Variants in SLC22A13 observed in about 807,000 individuals in gnomAD.
SLC22A13 encodes the protein solute carrier family 22 member 13.
SLC22A13 carries 42 observed loss-of-function variants against 49.1 expected under a neutral mutation model. The observed-to-expected ratio is 0.85, with a 90% confidence interval of 0.67 to 1.11. The LOEUF (loss-of-function observed/expected upper bound fraction) is 1.11. SLC22A13 is among the 50% of genes least tolerant of loss of function. SLC22A13 has a pLI of 0.00. For synonymous variants in SLC22A13, 282 were observed against 293.1 expected (o/e 0.96, Z 0.39); for missense variants, 694 against 712.8 (o/e 0.97, Z 0.30).
intron 1 of SLC22A13, among the ~76,000 whole-genome samples, chr3:38,271,652 C>T (rs552332084): frequency 4.6e-5 from 7 of 151,236 alleles, no homozygotes; most frequent in East Asian, 1.9e-4. Context: ...ATCTGTCCAG[C>T]GACCAAAGAA....
intron 2 of SLC22A13, 53 bp downstream of exon 2, chr3:38,274,428 A>C (rs904616726): frequency 4.1e-5 from 63 of 1,532,876 alleles, no homozygotes; most frequent in Non-Finnish European, 5.4e-5. Flanking sequence ...CAGCTCTGGC[A>C]CAGGCCCAAG....
chr3:38,269,837 G>C (rs1703501014), intron 1 of SLC22A13, among the ~76,000 whole-genome samples: 1 of 151,398 alleles, frequency 6.6e-6, no homozygotes, highest in Non-Finnish European at 1.5e-5. Context: ...TTTAGCATTA[G>C]GTATATCTCC....
Position 38,274,515 on chromosome 3 carries a change from C to A in SLC22A13, c.483-89C>A, listed in dbSNP as rs951866533. Reference sequence around the variant, plus strand: ...CCCTCAAATGGGGCTCAGACAGAGACCCCAGGACAGGGCTGGGCCCCCTTG... The same window carrying A: ...CCCTCAAATGGGGCTCAGACAGAGAACCCAGGACAGGGCTGGGCCCCCTTG... On this transcript the variant is annotated intron_variant, in intron 2 of 9. Coordinates refer to ENST00000311856, the MANE Select transcript of SLC22A13 (RefSeq NM_004256.4). The A allele has an allele frequency of 6.6e-6, 10 of 1,504,310 alleles. No homozygotes were observed. The East Asian group carries it at 2.0e-4, about 31-fold the overall frequency. 93.2% of individuals were successfully genotyped at this position (1,504,310 alleles called of 1,614,324 possible). A position where few individuals can be genotyped will look rare whatever the true frequency, so the allele number is the denominator to read the frequency against.
rs750358327 is a variant in SLC22A13 at position 38,276,896 on chromosome 3, C to T, written c.1347-16C>T. Reference sequence around the variant, plus strand: ...TTGGGCCCAGGTCTACTTAGCTTGCCCTGGTCTTCCCCCAGGCAGACAGGC... The same window carrying T: ...TTGGGCCCAGGTCTACTTAGCTTGCTCTGGTCTTCCCCCAGGCAGACAGGC... On this transcript the variant is annotated splice_polypyrimidine_tract_variant and intron_variant, in intron 8 of 9. Transcript: ENST00000311856. 5.6e-6 allele frequency: 9 copies of T among 1,610,710 alleles called. 1 individual carries two copies. The East Asian group carries it at 1.8e-4, about 32-fold the overall frequency.
At chr3:38,269,155 T>G (rs1703493821) in intron 1 of SLC22A13, among the ~76,000 whole-genome samples, 1 of 152,162 alleles carries the variant, frequency 6.6e-6, no homozygotes, top group Non-Finnish European at 1.5e-5. Context: ...GATTCAAAAG[T>G]AACTAGTATT....
In SLC22A13 at chr3:38,276,943, TCACGGATCGGGGGCATCCTCA is replaced by T. The variant is rs1358732570; in HGVS notation, c.1382_1402del (p.Arg461_Thr467del). On this transcript the variant is annotated inframe_deletion, in exon 9 of 10. Coordinates refer to ENST00000311856, the MANE Select transcript of SLC22A13 (RefSeq NM_004256.4). ...AGGCATGGGGCTGGTGGGCATCTTC[TCACGGATCGGGGGCATCCTCA>T]CACCACTTGTGATCCTGCTGGGAGA... 6.2e-7 allele frequency: 1 copy of T among 1,613,890 alleles called. No homozygotes were observed. The highest frequency in any genetic ancestry group is 1.7e-5 in the Admixed American group (1 of 59,998).
chr3:38,276,861 A>T, intron 8 of SLC22A13, 51 bp from the exon 9 acceptor site: 2 of 1,497,044 alleles, frequency 1.3e-6, no homozygotes, highest in Non-Finnish European at 1.8e-6. Context: ...GGTGAAGCTG[A>T]GGCCCAGAGT....
At chr3:38,267,976 G>T (rs1430321925) in intron 1 of SLC22A13, among the ~76,000 whole-genome samples, 1 of 152,174 alleles carries the variant, frequency 6.6e-6, no homozygotes, top group Non-Finnish European at 1.5e-5. Flanking sequence ...AGGGGTAGGG[G>T]TATAGGAATT....
chr3:38,275,806 G>A, intron 6 of SLC22A13, 76 bp from the exon 7 acceptor site: 2 of 1,511,752 alleles, frequency 1.3e-6, no homozygotes, highest in Non-Finnish European at 1.8e-6. Context: ...TGCTGTGACT[G>A]CTGACCAAGG....
chr3:38,267,060 A>G (rs978854583), intron 1 of SLC22A13, among the ~76,000 whole-genome samples: 7 of 152,354 alleles, frequency 4.6e-5, no homozygotes, highest in South Asian at 2.1e-4. Context: ...CAGATAGTCC[A>G]GAAACCTGAG....
chr3:38,267,432 T>A (rs1703474951), intron 1 of SLC22A13, among the ~76,000 whole-genome samples: 1 of 151,354 alleles, frequency 6.6e-6, no homozygotes, highest in Admixed American at 6.6e-5. Flanking sequence ...CTCCCCAGCA[T>A]CACATCCATG....
At chr3:38,266,620 C>T (rs950473819) in intron 1 of SLC22A13, among the ~76,000 whole-genome samples, 1 of 152,194 alleles carries the variant, frequency 6.6e-6, no homozygotes, top group African/African-American at 2.4e-5. Flanking sequence ...TCTACCCCTG[C>T]ATGTCTGCCT....
At position 38,278,188 on chromosome 3, in the gene SLC22A13, T is replaced by G. The variant is rs953705103; in HGVS notation, c.*723T>G. On this transcript the variant is annotated 3_prime_UTR_variant, in exon 10 of 10. Coordinates refer to ENST00000311856, the MANE Select transcript of SLC22A13 (RefSeq NM_004256.4). The stretch of plus-strand genomic sequence containing the variant: ...GTTCTGCTCCCCGCCTCACCCCGCC[T>G]CCTCCTGCTCATGCTCAGCTGCTTC... 6 of 152,778 alleles carry G rather than the reference T, an allele frequency of 3.9e-5. No individual in the cohort carries two copies. The East Asian group carries it at 7.7e-4, about 20-fold the overall frequency. The allele number at this position is 152,778 out of a possible 1,614,324, so 9.5% of individuals were successfully genotyped here.
Position 38,275,325 on chromosome 3 carries a change from C to T in SLC22A13, c.807-45C>T, listed in dbSNP as rs373292795. 196 of 1,612,186 alleles carry T rather than the reference C, an allele frequency of 1.2e-4. No individual in the cohort carries two copies. The Middle Eastern group carries it at 5.4e-3, about 44-fold the overall frequency. On this transcript the variant is annotated intron_variant, in intron 4 of 9. Transcript: ENST00000311856. ...TGCACTGGAACAAGCTGGAAAGCTCCCTAGGACTCCAGGCCCCAAGGTCAT... is the reference window on the plus strand; with the variant it reads ...TGCACTGGAACAAGCTGGAAAGCTCTCTAGGACTCCAGGCCCCAAGGTCAT...
At chr3:38,274,231 C>G (rs1703550372) in intron 1 of SLC22A13, 41 bp from the exon 2 acceptor site, 3 of 1,473,024 alleles carry the variant, frequency 2.0e-6, no homozygotes, top group South Asian at 2.3e-5. Context: ...GCTTGCCCTC[C>G]TTGCAGCCCC....
chr3:38,275,892 A>AGTCTGGGG lies in SLC22A13; in HGVS notation c.1034_1041dup (p.Tyr348ValfsTer7). The AGTCTGGGG allele has an allele frequency of 6.2e-7, 1 of 1,614,036 alleles. No homozygotes were observed. The highest frequency in any genetic ancestry group is 8.5e-7 in the Non-Finnish European group (1 of 1,179,914). On this transcript the variant is annotated frameshift_variant, in exon 7 of 10. Coordinates refer to ENST00000311856, the MANE Select transcript of SLC22A13 (RefSeq NM_004256.4). LOFTEE classifies it high-confidence loss of function. ...TTCATTACCTTGTAGGTTTGTGGAC[A>AGTCTGGGG]GTCTGGGGTACTACGGCCTGAGCCT...
At chr3:38,275,737 G>A (rs1223367610) in intron 6 of SLC22A13, 65 bp downstream of exon 6, 3 of 1,547,694 alleles carry the variant, frequency 1.9e-6, no homozygotes, top group South Asian at 1.2e-5. Context: ...TGTTGGCAGA[G>A]GGGTGGGCTG....
At chr3:38,274,850 C>A in intron 3 of SLC22A13, 92 bp downstream of exon 3, 2 of 1,539,240 alleles carry the variant, frequency 1.3e-6, no homozygotes, top group Non-Finnish European at 1.8e-6. Flanking sequence ...GAGGTCTTTT[C>A]AGGTACCCCA....
Position 38,274,574 on chromosome 3 carries a change from C to T in SLC22A13, c.483-30C>T, listed in dbSNP as rs146983900. On this transcript the variant is annotated intron_variant, in intron 2 of 9. Coordinates refer to ENST00000311856, the MANE Select transcript of SLC22A13 (RefSeq NM_004256.4). ...TCCTCAGATGCCTTCCGGGAGGGAC[C>T]CTCCCCACAGACCTGCCCTGTTTCC... 104 of 1,606,516 alleles carry T rather than the reference C, an allele frequency of 6.5e-5. 1 individual carries two copies. In the East Asian group the frequency reaches 2.3e-3, roughly 36 times the overall value.
Sources: gnomAD v4.1 joint callset for allele counts (sites outside exome capture counted in the v4.1 genomes callset) on GRCh38, gnomAD v4.1.1 for gene constraint, MANE v1.5 for transcripts, NCBI Gene and HGNC (gene_info 2026-07-23, HGNC 2026-07-21) for gene names.